The following ACER1 variants were observed in gnomAD, a reference collection of about 807,000 sequenced individuals.
ACER1 encodes alkaline ceramidase 1, also known as CTB-180A7.3.
A neutral mutation model predicts 24.9 loss-of-function variants in ACER1; 28 were observed. That is an observed-to-expected ratio of 1.13 (90% confidence interval 0.83 to 1.54). The LOEUF is 1.54. ACER1 is among the 40% of genes most tolerant of loss of function. The probability of loss-of-function intolerance (pLI) is 0.00; values close to 1 mark genes in which losing one functional copy is unlikely to be tolerated. For synonymous variants in ACER1, 132 were observed against 131.4 expected (o/e 1.00, Z -0.03); for missense variants, 352 against 349.3 (o/e 1.01, Z -0.06).
chr19:6,353,245 T>C, the ACER1 span: 1 of 152,032 alleles, frequency 6.6e-6, no homozygotes. Context: ...GGTGGGAGGA[T>C]TGCTTGAACC....
rs796190279 is a variant in ACER1 at position 6,323,816 on chromosome 19, C to T, written c.93+9643G>A. 6.2e-4 allele frequency among the ~76,000 whole-genome samples: 94 copies of T among 152,200 alleles called. 1 individual carries two copies. Among genetic ancestry groups the T allele is most frequent in the Middle Eastern group, 3.4e-3 (1 of 294 alleles). ...GGGAGGCATGAGTGGATCTCACATCCATACTTGTAATTTAGAGCTTATGAG... is the reference window on the plus strand; with the variant it reads ...GGGAGGCATGAGTGGATCTCACATCTATACTTGTAATTTAGAGCTTATGAG... On this transcript the variant is annotated intron_variant, in intron 1 of 5. Coordinates refer to ENST00000301452, the MANE Select transcript of ACER1 (RefSeq NM_133492.3).
chr19:6,328,865 G>C (rs1474290526), intron 1 of ACER1, among the ~76,000 whole-genome samples: 1 of 151,784 alleles, frequency 6.6e-6, no homozygotes, highest in Admixed American at 6.6e-5. Flanking sequence ...GATAGAGATG[G>C]GGTTTCATCG....
the ACER1 span, among the ~76,000 whole-genome samples, chr19:6,355,626 G>T: frequency 6.7e-6 from 1 of 148,202 alleles, no homozygotes; most frequent in Non-Finnish European, 1.5e-5. Context: ...GAGGTGGGGG[G>T]GGTCAGCCCC....
chr19:6,343,093 A>G, the ACER1 span, among the ~76,000 whole-genome samples: 1 of 152,166 alleles, frequency 6.6e-6, no homozygotes, highest in South Asian at 2.1e-4. Flanking sequence ...TTTTTCTTTA[A>G]CTTGCCGATT....
intron 1 of ACER1, among the ~76,000 whole-genome samples, chr19:6,331,748 C>A (rs142376250): frequency 6.6e-6 from 1 of 151,250 alleles, no homozygotes; most frequent in African/African-American, 2.4e-5. Flanking sequence ...GAGCCGAGAT[C>A]GCGCCATTAC....
upstream of ACER1, among the ~76,000 whole-genome samples, chr19:6,337,661 C>CTTTTTTTTTTTTTTTTTTTTT (rs1192304687): frequency 5.4e-4 from 14 of 25,936 alleles, 2 homozygotes; most frequent in Admixed American, 1.3e-3. Context: ...TTCTTTCTTT[C>CTTTTTTTTTTTTTTTTTTTTT]TTTTTTTTTT....
At position 6,306,769 on chromosome 19, in the gene ACER1, C is replaced by T; in HGVS notation, c.740G>A (p.Ser247Asn). The change falls in exon 6 of 6, where the codon AGT (serine) becomes AAT (asparagine). Residue 247 changes from serine to asparagine, a missense_variant. Physicochemically the swap from Ser to Asn is conservative, Grantham distance 46. Coordinates refer to ENST00000301452, the MANE Select transcript of ACER1 (RefSeq NM_133492.3). Reference sequence around the variant, plus strand: ...CACGTAGGGCAGCCCCACGGGCCAACTGTCCCGAGGCCAGTAGCGGACTTT... The same window carrying T: ...CACGTAGGGCAGCCCCACGGGCCAATTGTCCCGAGGCCAGTAGCGGACTTT... Reference protein sequence around the residue: ...TLKVRYWPRDSWPVGLPYVEI... With the variant: ...TLKVRYWPRDNWPVGLPYVEI... 1 of 1,614,164 alleles carries T rather than the reference C, an allele frequency of 6.2e-7. No homozygotes were observed. Among genetic ancestry groups the T allele is most frequent in the Non-Finnish European group, 8.5e-7 (1 of 1,180,002 alleles).
chr19:6,354,883 G>A, the ACER1 span, among the ~76,000 whole-genome samples: 5 of 152,256 alleles, frequency 3.3e-5, no homozygotes, highest in Middle Eastern at 3.4e-3. Flanking sequence ...GCCGAAGCTG[G>A]ACTGTACTGC....
chr19:6,333,439 TCA>T lies in ACER1; in HGVS notation c.93+18_93+19del. 6.4e-7 allele frequency: 1 copy of T among 1,554,152 alleles called. No individual in the cohort carries two copies. ...CGAACCGGCATCTGGCGAGACTCCT[TCA>T]CACACCCACGCACTCACCGTGTTGT... On this transcript the variant is annotated intron_variant, in intron 1 of 5. Coordinates refer to ENST00000301452, the MANE Select transcript of ACER1 (RefSeq NM_133492.3).
the ACER1 span, among the ~76,000 whole-genome samples, chr19:6,358,950 A>AAAAAAAAAAAG: frequency 6.7e-6 from 1 of 150,276 alleles, no homozygotes; most frequent in African/African-American, 2.5e-5. Context: ...AAAAAAAAAA[A>AAAAAAAAAAAG]GAGTCCAGCT....
chr19:6,316,636 T>C (rs1311345763), intron 1 of ACER1, among the ~76,000 whole-genome samples: 3 of 151,834 alleles, frequency 2.0e-5, no homozygotes, highest in Non-Finnish European at 4.4e-5. Context: ...CTGGCCAACA[T>C]GGTGAAACCT....
rs187953667 is a variant in ACER1 at position 6,315,861 on chromosome 19, G to A, written c.94-3362C>T. On this transcript the variant is annotated intron_variant, in intron 1 of 5. Transcript: ENST00000301452. ...AAAAAAGAATGAGCCCAGGTGTGGT[G>A]ACTCACACCTGTAATCTCAGCACTT... 6.3e-4 allele frequency among the ~76,000 whole-genome samples: 96 copies of A among 152,320 alleles called. 2 individuals carry two copies. The highest frequency in any genetic ancestry group is 2.2e-3 in the African/African-American group (91 of 41,586).
At chr19:6,339,697 T>C in the ACER1 span, among the ~76,000 whole-genome samples, 1 of 152,058 alleles carries the variant, frequency 6.6e-6, no homozygotes, top group Non-Finnish European at 1.5e-5. Flanking sequence ...AGATGGAGTC[T>C]CTCTCTGTTG....
intron 1 of ACER1, among the ~76,000 whole-genome samples, chr19:6,315,245 CGA>C (rs1257567319): frequency 2.6e-5 from 4 of 151,466 alleles, no homozygotes; most frequent in Non-Finnish European, 5.9e-5. Context: ...TCTCTGTTGC[CGA>C]GGCTGGAATG....
At position 6,306,896 on chromosome 19, in the gene ACER1, G is replaced by C; in HGVS notation, c.627-14C>G. 6.2e-7 allele frequency: 1 copy of C among 1,602,700 alleles called. No homozygotes were observed. Among genetic ancestry groups the C allele is most frequent in the Non-Finnish European group, 8.5e-7 (1 of 1,172,388 alleles). Reference sequence around the variant, plus strand: ...ATGAGCACATGCCTGTGGAGTGCAGGGCGAAGGTGGCGAGGGCACAAGATA... The same window carrying C: ...ATGAGCACATGCCTGTGGAGTGCAGCGCGAAGGTGGCGAGGGCACAAGATA... On this transcript the variant is annotated splice_polypyrimidine_tract_variant and intron_variant, in intron 5 of 5. Transcript: ENST00000301452.
upstream of ACER1, among the ~76,000 whole-genome samples, chr19:6,337,004 C>T (rs1277704043): frequency 1.3e-5 from 2 of 151,474 alleles, no homozygotes; most frequent in East Asian, 1.9e-4. Context: ...GGTGAAACCC[C>T]GTCTCTACTA....
chr19:6,346,781 T>C, the ACER1 span, among the ~76,000 whole-genome samples: 2 of 151,936 alleles, frequency 1.3e-5, no homozygotes, highest in Admixed American at 1.3e-4. Context: ...TTAAAATCTG[T>C]CCATCTAGCT....
At chr19:6,347,098 C>CAAAAAAAAA in the ACER1 span, among the ~76,000 whole-genome samples, 25 of 81,952 alleles carry the variant, frequency 3.1e-4, 1 homozygote, top group East Asian at 1.1e-3. Flanking sequence ...CCTGTCTCTA[C>CAAAAAAAAA]AAAAAAAAAA....
chr19:6,312,670 T>G (rs1161396571), intron 1 of ACER1, among the ~76,000 whole-genome samples, 171 bp from the exon 2 acceptor site: 1 of 147,640 alleles, frequency 6.8e-6, no homozygotes, highest in African/African-American at 2.5e-5. Flanking sequence ...GCCGACCCTT[T>G]TTTTTTTTTT....
Sources: allele counts gnomAD v4.1 joint callset (sites outside exome capture counted in the v4.1 genomes callset), GRCh38; gene constraint gnomAD v4.1.1; transcripts MANE v1.5; gene names NCBI Gene and HGNC (gene_info 2026-07-23, HGNC 2026-07-21).